Variants in VWF observed in about 807,000 individuals in gnomAD.
VWF encodes Factor VIII related antigen.
VWF carries 176 observed loss-of-function variants against 308.6 expected under a neutral mutation model. That is an observed-to-expected ratio of 0.57 (90% CI 0.50 to 0.65). VWF has a LOEUF of 0.65. Among genes scored for constraint, VWF ranks in the 30% least tolerant of loss-of-function variants. VWF has a pLI of 0.00. For missense variants in VWF, 3,146 were observed against 3,648.2 expected (o/e 0.86, Z 3.55); for synonymous variants, 1,385 against 1,443.4 (o/e 0.96, Z 0.92).
At chr12:6,070,029 A>G (rs576312840) in intron 10 of VWF, among the ~76,000 whole-genome samples, 2 of 152,324 alleles carry the variant, frequency 1.3e-5, no homozygotes, top group East Asian at 3.9e-4. Flanking sequence ...AATTCCATCC[A>G]CTGTGGCTCA....
chr12:6,029,190 T>C (rs1034322608), intron 22 of VWF, 152 bp downstream of exon 22: 11 of 984,566 alleles, frequency 1.1e-5, no homozygotes, highest in Non-Finnish European at 1.4e-5. Context: ...AGGGATCAAT[T>C]CAACAAGAAG....
chr12:6,032,809 C>CTCA (rs1023619783), intron 20 of VWF, among the ~76,000 whole-genome samples: 14 of 151,774 alleles, frequency 9.2e-5, no homozygotes, highest in African/African-American at 3.4e-4. Context: ...CATCTATGTA[C>CTCA]TCATACACAC....
chr12:5,979,935 G>A (rs1446591812), intron 42 of VWF, among the ~76,000 whole-genome samples: 1 of 149,918 alleles, frequency 6.7e-6, no homozygotes, highest in Non-Finnish European at 1.5e-5. Context: ...CAGCTACTCG[G>A]GAGGCTGAGG....
At chr12:6,021,711 A>C (rs1165362141) in intron 27 of VWF, 189 bp downstream of exon 27, 2 of 724,656 alleles carry the variant, frequency 2.8e-6, no homozygotes, top group South Asian at 2.0e-5. Flanking sequence ...AAAGAAAAAG[A>C]AGCAAACCCT....
rs766705058 is a variant in VWF at position 5,996,198 on chromosome 12, C to A, written c.5867G>T (p.Arg1956Leu). Residue 1956 changes from arginine (R) to leucine (L), a missense_variant, in exon 35 of 52, where the codon CGG becomes CTG. Physicochemically the swap from Arg to Leu is moderately radical, Grantham distance 102. This residue lies in a region of VWF where 989 missense variants were observed against 1,117.4 expected (regional missense o/e 0.89). Coordinates refer to ENST00000261405, the MANE Select transcript of VWF (RefSeq NM_000552.5). ...CTGCCCATCAAAGGTCACGATGTGC[C>A]GAGTGGAGCTGCCTGTGCACACGCC... ...CPCVCTGSST[R>L]HIVTFDGQNF... 1 of 1,613,314 alleles carries A rather than the reference C, an allele frequency of 6.2e-7. No homozygotes were observed. Among genetic ancestry groups the A allele is most frequent in the Non-Finnish European group, 8.5e-7 (1 of 1,179,740 alleles).
chr12:6,034,850 G>T, intron 19 of VWF, 24 bp from the exon 20 acceptor site: 1 of 1,612,682 alleles, frequency 6.2e-7, no homozygotes, highest in South Asian at 1.1e-5. Context: ...TGGCAGAGAT[G>T]ACAAGTTGGG....
intron 43 of VWF, 151 bp from the exon 44 acceptor site, chr12:5,971,860 C>G: frequency 1.4e-6 from 1 of 734,430 alleles, no homozygotes; most frequent in Non-Finnish European, 2.4e-6. Context: ...GCCTCAGGGC[C>G]ATGCCAAGAA....
At chr12:6,113,827 C>T (rs1441618310) in intron 3 of VWF, among the ~76,000 whole-genome samples, 3 of 152,236 alleles carry the variant, frequency 2.0e-5, no homozygotes, top group Admixed American at 6.5e-5. Flanking sequence ...CTCCCTCGGC[C>T]TTTTCTGGGG....
At chr12:6,123,522 G>A (rs941434306) in intron 1 of VWF, among the ~76,000 whole-genome samples, 6 of 152,176 alleles carry the variant, frequency 3.9e-5, no homozygotes, top group Non-Finnish European at 8.8e-5. Flanking sequence ...TCCTGAAGCA[G>A]CTGGGAGCTA....
intron 22 of VWF, among the ~76,000 whole-genome samples, chr12:6,029,029 A>G (rs2136424182): frequency 6.6e-6 from 1 of 152,140 alleles, no homozygotes; most frequent in East Asian, 1.9e-4. Flanking sequence ...TCACGTGCAG[A>G]GACATACATA....
chr12:5,951,083 A>C (rs1439943377), intron 50 of VWF, among the ~76,000 whole-genome samples: 1 of 152,202 alleles, frequency 6.6e-6, no homozygotes, highest in African/African-American at 2.4e-5. Flanking sequence ...GAAATACCCT[A>C]ATCTAAAACA....
chr12:6,037,658 G>A (rs917739659), intron 18 of VWF, among the ~76,000 whole-genome samples: 1 of 152,192 alleles, frequency 6.6e-6, no homozygotes, highest in Non-Finnish European at 1.5e-5. Context: ...GCCTAGCCTT[G>A]GGGGTTCTCA....
chr12:6,071,416 A>C, intron 9 of VWF, 73 bp from the exon 10 acceptor site: 293 of 1,546,034 alleles, frequency 1.9e-4, no homozygotes, highest in Non-Finnish European at 2.4e-4. Flanking sequence ...TTTAGAGCTC[A>C]TGGTAGTTAT....
chr12:6,030,367 C>T (rs1323011714), intron 21 of VWF, among the ~76,000 whole-genome samples: 1 of 152,194 alleles, frequency 6.6e-6, no homozygotes, highest in Non-Finnish European at 1.5e-5. Flanking sequence ...AGTTTTCTTC[C>T]ATAATGGTGA....
At chr12:6,029,582 G>A in intron 21 of VWF, 94 bp from the exon 22 acceptor site, 1 of 1,516,682 alleles carries the variant, frequency 6.6e-7, no homozygotes, top group Non-Finnish European at 9.0e-7. Flanking sequence ...TCTGTCTTCA[G>A]TGCCCACGAG....
intron 40 of VWF, among the ~76,000 whole-genome samples, chr12:5,983,818 T>TA (rs57391778): frequency 4.3e-5 from 6 of 138,402 alleles, no homozygotes; most frequent in South Asian, 2.3e-4. Context: ...GATAGATAGA[T>TA]GATAGAGGAT....
rs1944119990 is a variant in VWF at position 6,020,680 on chromosome 12, G to A, written c.3675-937C>T. ...TATGGGCCAGGACCATCTCCTCTTT[G>A]GACTCTCAGCCTTGGAGGCACCTGG... On this transcript the variant is annotated intron_variant, in intron 27 of 51. Transcript: ENST00000261405. The surrounding 1 kb of genome is among the most constrained non-coding windows in gnomAD (Gnocchi z 4.3). 6.6e-6 allele frequency among the ~76,000 whole-genome samples: 1 copy of A among 152,210 alleles called. No individual in the cohort carries two copies. The highest frequency in any genetic ancestry group is 1.5e-5 in the Non-Finnish European group (1 of 68,032).
chr12:5,953,412 G>C, intron 48 of VWF, 84 bp downstream of exon 48: 2 of 1,075,122 alleles, frequency 1.9e-6, no homozygotes, highest in Admixed American at 1.7e-5. Context: ...ACCAAACTTA[G>C]CCCCTCTTCC....
chr12:6,085,010 T>C (rs933535300), intron 6 of VWF, among the ~76,000 whole-genome samples: 28 of 152,236 alleles, frequency 1.8e-4, no homozygotes, highest in African/African-American at 6.3e-4. Flanking sequence ...TCTGCAGAGC[T>C]TGACATTCCT....
Sources: allele counts gnomAD v4.1 joint callset (sites outside exome capture counted in the v4.1 genomes callset), GRCh38; gene constraint gnomAD v4.1.1; regional missense constraint gnomAD v4.1.1; non-coding constraint Gnocchi (gnomAD v3.1); transcripts MANE v1.5; gene names NCBI Gene and HGNC (gene_info 2026-07-23, HGNC 2026-07-21).